Variants in EVA1C observed in about 807,000 individuals in gnomAD.
The protein encoded by EVA1C is protein eva-1 homolog C.
In EVA1C, 25 loss-of-function variants were observed where a neutral mutation model predicts 45.4. The observed-to-expected ratio is 0.55, with a 90% CI of 0.40 to 0.77. EVA1C has a LOEUF of 0.77. EVA1C is among the 30% of genes least tolerant of loss of function. The pLI is 0.00. For synonymous variants in EVA1C, 190 were observed against 221.2 expected (o/e 0.86, Z 1.25); for missense variants, 479 against 554.8 (o/e 0.86, Z 1.37).
Position 32,515,107 on chromosome 21 carries a change from C to A in EVA1C, c.1243C>A (p.Arg415Ser), listed in dbSNP as rs148503242. The change falls in exon 8 of 8, where the codon CGC (arginine) becomes AGC (serine). Residue 415 changes from arginine to serine, a missense_variant. By Grantham distance (110) the Arg-to-Ser change is moderately radical. This residue lies in a region of EVA1C where 366 missense variants were observed against 426.1 expected (regional missense o/e 0.86). Coordinates refer to ENST00000300255, the MANE Select transcript of EVA1C (RefSeq NM_058187.5). ...EAAELAERIE[R>S]REQIIQEIWM... ...TGCAGAGCTCGCAGAAAGGATTGAG[C>A]GCAGGGAGCAAATCATTCAGGAAAT... 1 of 1,614,048 alleles carries A rather than the reference C, an allele frequency of 6.2e-7. No individual in the cohort carries two copies. Among genetic ancestry groups the A allele is most frequent in the East Asian group, 2.2e-5 (1 of 44,888 alleles).
At chr21:32,432,117 T>A (rs1845598112) in intron 1 of EVA1C, among the ~76,000 whole-genome samples, 1 of 152,156 alleles carries the variant, frequency 6.6e-6, no homozygotes. Context: ...TGGATTTGGC[T>A]GATGTTTCTT....
intron 7 of EVA1C, among the ~76,000 whole-genome samples, chr21:32,510,585 T>C (rs2037914673): frequency 6.6e-6 from 1 of 152,196 alleles, no homozygotes; most frequent in African/African-American, 2.4e-5. Flanking sequence ...ATAGTTCCTA[T>C]CCGGCCATTC....
At chr21:32,489,069 T>C (rs2037070749) in intron 4 of EVA1C, among the ~76,000 whole-genome samples, 1 of 152,256 alleles carries the variant, frequency 6.6e-6, no homozygotes, top group Non-Finnish European at 1.5e-5. Flanking sequence ...TTTTTCATTG[T>C]GTTGATTGTT....
At chr21:32,496,645 G>A (rs182057720) in intron 5 of EVA1C, among the ~76,000 whole-genome samples, 84 of 152,280 alleles carry the variant, frequency 5.5e-4, no homozygotes, top group Non-Finnish European at 7.8e-4. Context: ...AATGGAGGAC[G>A]GTAGACTGGA....
intron 1 of EVA1C, among the ~76,000 whole-genome samples, chr21:32,427,496 C>T (rs1442679723): frequency 2.6e-5 from 4 of 151,974 alleles, no homozygotes; most frequent in Admixed American, 6.6e-5. Context: ...GGAAAGATCA[C>T]GAGGTCAAGA....
Position 32,514,916 on chromosome 21 carries a change from TC to T in EVA1C, c.1054del (p.Arg352AlafsTer53). The T allele has an allele frequency of 6.2e-7, 1 of 1,614,084 alleles. No homozygotes were observed. The highest frequency in any genetic ancestry group is 8.5e-7 in the Non-Finnish European group (1 of 1,180,010). ...LVIRESCAKD[F>X]RDLQLGREQL... ...ATCAGAGAGTCCTGTGCCAAGGACTTCCGCGACTTGCAGCTGGGGAGGGAGC... is the reference window on the plus strand; with the variant it reads ...ATCAGAGAGTCCTGTGCCAAGGACTTCGCGACTTGCAGCTGGGGAGGGAGC... On this transcript the variant is annotated frameshift_variant, in exon 8 of 8. Coordinates refer to ENST00000300255, the MANE Select transcript of EVA1C (RefSeq NM_058187.5). LOFTEE classifies it high-confidence loss of function.
chr21:32,511,184 G>A (rs1464424822), intron 7 of EVA1C, among the ~76,000 whole-genome samples: 6 of 152,148 alleles, frequency 3.9e-5, no homozygotes, highest in Non-Finnish European at 8.8e-5. Context: ...GGGAAGCTGA[G>A]GCGGGCAGAT....
intron 5 of EVA1C, chr21:32,497,208 GA>G: frequency 1.2e-6 from 1 of 814,540 alleles, no homozygotes. Context: ...TGGGTTAAGG[GA>G]AAAACCGTCC....
chr21:32,486,483 T>A (rs1018646513), intron 4 of EVA1C, among the ~76,000 whole-genome samples: 2 of 152,148 alleles, frequency 1.3e-5, no homozygotes, highest in Admixed American at 6.6e-5. Flanking sequence ...TTACCAGGTA[T>A]TACTGCTTCC....
At chr21:32,417,253 A>C (rs1191777565) in intron 1 of EVA1C, among the ~76,000 whole-genome samples, 1 of 152,236 alleles carries the variant, frequency 6.6e-6, no homozygotes, top group Non-Finnish European at 1.5e-5. Flanking sequence ...GGTGGCTTAC[A>C]CAAGGAACAT....
intron 1 of EVA1C, among the ~76,000 whole-genome samples, chr21:32,431,291 T>C (rs2034693981): frequency 6.6e-6 from 1 of 152,250 alleles, no homozygotes; most frequent in African/African-American, 2.4e-5. Context: ...GGACCAAGAC[T>C]GGACCCACAA....
At chr21:32,514,122 T>C (rs991543121) in intron 7 of EVA1C, among the ~76,000 whole-genome samples, 1 of 152,150 alleles carries the variant, frequency 6.6e-6, no homozygotes. Context: ...TGCCATTTCA[T>C]ATAAGTGACT....
chr21:32,504,958 G>A (rs538566396), intron 7 of EVA1C, among the ~76,000 whole-genome samples: 38 of 152,182 alleles, frequency 2.5e-4, no homozygotes, highest in Non-Finnish European at 3.5e-4. Context: ...GCAAAGTCAC[G>A]TCTTACTTGG....
At chr21:32,513,551 CT>C (rs1165725714) in intron 7 of EVA1C, among the ~76,000 whole-genome samples, 317 of 106,776 alleles carry the variant, frequency 3.0e-3, no homozygotes, top group East Asian at 0.015. Flanking sequence ...TTTTTCTTTT[CT>C]TTTTTTTTTT....
intron 1 of EVA1C, among the ~76,000 whole-genome samples, chr21:32,421,287 G>A (rs931815422): frequency 6.6e-6 from 1 of 152,196 alleles, no homozygotes; most frequent in Admixed American, 6.5e-5. Context: ...CCTGAGCGCA[G>A]GCGATAAGGA....
intron 3 of EVA1C, among the ~76,000 whole-genome samples, chr21:32,464,477 G>C (rs552903550): frequency 1.4e-4 from 21 of 152,218 alleles, no homozygotes; most frequent in African/African-American, 5.1e-4. Context: ...TTGTCTCACT[G>C]TTGTTTCTCT....
At chr21:32,450,259 C>T (rs918836635) in intron 1 of EVA1C, among the ~76,000 whole-genome samples, 8 of 149,166 alleles carry the variant, frequency 5.4e-5, no homozygotes, top group Admixed American at 1.4e-4. Flanking sequence ...AGATAATGGT[C>T]TAAACGCAGC....
intron 1 of EVA1C, among the ~76,000 whole-genome samples, chr21:32,427,644 C>T (rs980587852): frequency 6.6e-6 from 1 of 150,776 alleles, no homozygotes; most frequent in Non-Finnish European, 1.5e-5. Context: ...ACCTGGGAGG[C>T]GGAGGTTGCA....
At chr21:32,444,757 T>G (rs1335762182) in intron 1 of EVA1C, among the ~76,000 whole-genome samples, 1 of 150,278 alleles carries the variant, frequency 6.7e-6, no homozygotes, top group African/African-American at 2.4e-5. Context: ...CCTTGGTCTT[T>G]CCAGGGACCA....
Sources: gnomAD v4.1 joint callset for allele counts (sites outside exome capture counted in the v4.1 genomes callset) on GRCh38, gnomAD v4.1.1 for gene constraint, gnomAD v4.1.1 regional missense constraint, MANE v1.5 for transcripts, NCBI Gene and HGNC (gene_info 2026-07-23, HGNC 2026-07-21) for gene names.